Variants in AGK observed in about 807,000 individuals in gnomAD.
AGK encodes acylglycerol kinase, also known as acylglycerol kinase, mitochondrial.
Under a neutral mutation model 66.4 loss-of-function variants are expected in AGK, and 52 were observed. That is an observed-to-expected ratio of 0.78 (90% CI 0.63 to 0.99). AGK has a LOEUF of 0.99. Among genes scored for constraint, AGK ranks in the 50% least tolerant of loss-of-function variants. AGK has a pLI of 0.00. For missense variants in AGK, 451 were observed against 506.6 expected, an observed-to-expected ratio of 0.89 and a Z score of 1.05; for synonymous variants, 182 against 181.1, an observed-to-expected ratio of 1.00 and a Z score of -0.04.
chr7:141,591,540 C>G (rs2116918942), intron 2 of AGK, among the ~76,000 whole-genome samples: 1 of 152,244 alleles, frequency 6.6e-6, no homozygotes, highest in South Asian at 2.1e-4. Flanking sequence ...GACAGCAACT[C>G]TGGCAAAAAG....
chr7:141,639,005 AT>A (rs1195552708), intron 11 of AGK, among the ~76,000 whole-genome samples: 5 of 152,320 alleles, frequency 3.3e-5, no homozygotes, highest in African/African-American at 1.2e-4. Flanking sequence ...GGACATAAAC[AT>A]TTAAAGAACC....
chr7:141,575,088 A>T (rs1306966479), intron 2 of AGK, among the ~76,000 whole-genome samples: 1 of 152,252 alleles, frequency 6.6e-6, no homozygotes, highest in African/African-American at 2.4e-5. Context: ...GGTAGTAATC[A>T]CTATAGTGAT....
At chr7:141,642,754 T>A (rs1305146288) in intron 13 of AGK, among the ~76,000 whole-genome samples, 1 of 152,232 alleles carries the variant, frequency 6.6e-6, no homozygotes, top group East Asian at 1.9e-4. Context: ...TCAGTATCCA[T>A]AAATAAAGTT....
At chr7:141,650,441 A>T (rs1161375145) in intron 14 of AGK, 1 of 908,236 alleles carries the variant, frequency 1.1e-6, no homozygotes, top group Non-Finnish European at 1.3e-6. Context: ...TGTTAGCACC[A>T]GTGGCAGCCA....
rs1047957181 is a variant in AGK at position 141,555,061 on chromosome 7, A to G, written c.-14-392A>G. On this transcript the variant is annotated intron_variant, in intron 1 of 15. Transcript: ENST00000649286. The surrounding 1 kb of genome is among the most constrained non-coding windows in gnomAD (Gnocchi z 4.2). Reference sequence around the variant, plus strand: ...TACATTATGATGGATAGACAAATGTATACTCTTAAACAGTGGTACAGTGAG... The same window carrying G: ...TACATTATGATGGATAGACAAATGTGTACTCTTAAACAGTGGTACAGTGAG... Among the ~76,000 whole-genome samples the G allele has an allele frequency of 6.6e-6, 1 of 152,218 alleles. No individual in the cohort carries two copies. Among genetic ancestry groups the G allele is most frequent in the South Asian group, 2.1e-4 (1 of 4,834 alleles).
rs73523620 is a variant in AGK, at chr7:141,567,167, C to A, written c.101+11600C>A. Among the ~76,000 whole-genome samples the A allele has an allele frequency of 4.6e-3, 700 of 152,252 alleles. 7 individuals are homozygous for A. Among genetic ancestry groups the A allele is most frequent in the African/African-American group, 0.016 (665 of 41,558 alleles). On this transcript the variant is annotated intron_variant, in intron 2 of 15. Transcript: ENST00000649286. ...TCCCTCATGTTCCATTCTCATTCTA[C>A]ACACTCTGTAAGGGATCACAACCAC...
At chr7:141,630,046 A>G (rs2116990626) in intron 9 of AGK, among the ~76,000 whole-genome samples, 1 of 152,362 alleles carries the variant, frequency 6.6e-6, no homozygotes, top group East Asian at 1.9e-4. Context: ...AACTGGCTTC[A>G]AACCAAGTAA....
At chr7:141,641,769 G>A (rs1269922868) in intron 12 of AGK, 42 bp from the exon 13 acceptor site, 1 of 1,520,700 alleles carries the variant, frequency 6.6e-7, no homozygotes, top group African/African-American at 1.4e-5. Context: ...GTGGTGAAAT[G>A]TTAATGGAAG....
intron 2 of AGK, among the ~76,000 whole-genome samples, chr7:141,571,060 G>C (rs187842653): frequency 2.2e-3 from 341 of 152,266 alleles, no homozygotes; most frequent in Admixed American, 4.4e-3. Flanking sequence ...AGTGATACTG[G>C]CCCTGACTTT....
At chr7:141,562,071 G>T (rs1404199818) in intron 2 of AGK, 1 of 456,192 alleles carries the variant, frequency 2.2e-6, no homozygotes, top group Non-Finnish European at 4.4e-6. Flanking sequence ...GGTGGCAGGG[G>T]AATGATGTAG....
chr7:141,597,603 G>A (rs1390276708), intron 4 of AGK, among the ~76,000 whole-genome samples: 1 of 152,040 alleles, frequency 6.6e-6, no homozygotes, highest in Non-Finnish European at 1.5e-5. Flanking sequence ...GGGTGCAGTG[G>A]TTCACGCCTG....
intron 9 of AGK, among the ~76,000 whole-genome samples, chr7:141,626,858 A>G (rs565296999): frequency 2.0e-5 from 3 of 152,346 alleles, no homozygotes; most frequent in Non-Finnish European, 4.4e-5. Flanking sequence ...AGTATTAACT[A>G]TATCTTAAAT....
In AGK at chr7:141,621,780, A is replaced by G. The variant is rs1171083671; in HGVS notation, c.567A>G (p.Pro189=). Residue 189 remains proline, a synonymous_variant, in exon 9 of 16, where the codon CCA becomes CCG. Transcript: ENST00000649286. ...TLAIVKGETV[P]LDVLQIKGEK... ...CCATTGTGAAAGGAGAGACAGTTCCACTTGATGTCTTGCAGATCAAGGTAA... is the reference window on the plus strand; with the variant it reads ...CCATTGTGAAAGGAGAGACAGTTCCGCTTGATGTCTTGCAGATCAAGGTAA... The G allele has an allele frequency of 6.2e-7, 1 of 1,613,370 alleles. No homozygotes were observed. The highest frequency in any genetic ancestry group is 1.3e-5 in the African/African-American group (1 of 74,900).
Position 141,641,262 on chromosome 7 carries a change from T to G in AGK, c.741T>G (p.Thr247=). 6.2e-7 allele frequency: 1 copy of G among 1,612,668 alleles called. No individual in the cohort carries two copies. The highest frequency in any genetic ancestry group is 8.5e-7 in the Non-Finnish European group (1 of 1,179,564). The change falls in exon 12 of 16, where the codon ACT becomes ACG. Residue 247 remains threonine (T), a synonymous_variant. Coordinates refer to ENST00000649286, the MANE Select transcript of AGK (RefSeq NM_018238.4). The part of the protein sequence containing the change: ...FFSTLKEWPQ[T]HQASISYTGP... ...CACATTAAAAGGAGTGGCCTCAGAC[T>G]CATCAAGCCTCTATCTCATACACGG...
chr7:141,610,381 C>T (rs1460675576), intron 5 of AGK, among the ~76,000 whole-genome samples: 2 of 152,018 alleles, frequency 1.3e-5, no homozygotes, highest in African/African-American at 4.8e-5. Flanking sequence ...GGAGTGTTTC[C>T]TATTTTAATA....
Position 141,553,142 on chromosome 7 carries a change from G to A in AGK, c.-15+1708G>A, listed in dbSNP as rs148868378. Among the ~76,000 whole-genome samples, 1,414 of 152,288 alleles carry A rather than the reference G, an allele frequency of 9.3e-3. 16 individuals carry two copies. The highest frequency in any genetic ancestry group is 0.017 in the Middle Eastern group (5 of 294). ...TGATAGCTCTCTTCCTCGGTTTGTA[G>A]AGATCTGTCTTCTTGCTGTATCCTC... On this transcript the variant is annotated intron_variant, in intron 1 of 15. Transcript: ENST00000649286.
intron 2 of AGK, among the ~76,000 whole-genome samples, chr7:141,583,911 G>C (rs1208437523): frequency 1.3e-5 from 2 of 151,982 alleles, no homozygotes; most frequent in East Asian, 3.9e-4. Flanking sequence ...TTTAAAATTG[G>C]TGAGATGTTC....
chr7:141,640,401 G>A (rs1480461311), intron 11 of AGK, among the ~76,000 whole-genome samples: 3 of 152,166 alleles, frequency 2.0e-5, no homozygotes, highest in Non-Finnish European at 4.4e-5. Flanking sequence ...TTGGGGAGGA[G>A]TGAGTAAGCA....
At chr7:141,635,891 T>A (rs1404217876) in intron 10 of AGK, among the ~76,000 whole-genome samples, 2 of 152,204 alleles carry the variant, frequency 1.3e-5, no homozygotes, top group Non-Finnish European at 2.9e-5. Context: ...AATCATAAGC[T>A]CTCAAAGGTG....
Sources: allele counts gnomAD v4.1 joint callset (sites outside exome capture counted in the v4.1 genomes callset), GRCh38; gene constraint gnomAD v4.1.1; non-coding constraint Gnocchi (gnomAD v3.1); transcripts MANE v1.5; gene names NCBI Gene and HGNC (gene_info 2026-07-23, HGNC 2026-07-21).